Variants in NUBPL observed in about 807,000 individuals in gnomAD.
NUBPL encodes iron-sulfur cluster transfer protein NUBPL.
Under a neutral mutation model 45.7 loss-of-function variants are expected in NUBPL, and 31 were observed. The ratio of observed to expected loss-of-function variants is 0.68; its 90% CI spans 0.51 to 0.92. The LOEUF (loss-of-function observed/expected upper bound fraction) is 0.92, where lower values mean the gene tolerates loss of function less well. Ranked by LOEUF, NUBPL falls within the 40% of genes least tolerant of loss-of-function variation. The pLI is 0.00. For synonymous variants in NUBPL, 144 were observed against 140.9 expected (o/e 1.02, Z -0.15); for missense variants, 401 against 398.7 (o/e 1.01, Z -0.05).
intron 3 of NUBPL, among the ~76,000 whole-genome samples, chr14:31,592,622 A>G (rs1482481120): frequency 6.6e-6 from 1 of 151,880 alleles, no homozygotes; most frequent in Non-Finnish European, 1.5e-5. Flanking sequence ...TTAAAAAAAA[A>G]TCATTTAAAA....
intron 3 of NUBPL, among the ~76,000 whole-genome samples, chr14:31,591,135 A>G (rs1250755372): frequency 6.6e-6 from 1 of 152,138 alleles, no homozygotes; most frequent in African/African-American, 2.4e-5. Context: ...CTTTTTGGTT[A>G]GCTTTTTCAT....
intron 6 of NUBPL, among the ~76,000 whole-genome samples, chr14:31,695,652 T>G (rs975227389): frequency 2.6e-5 from 4 of 152,334 alleles, no homozygotes; most frequent in East Asian, 3.9e-4. Context: ...CTTTCTCTTT[T>G]GCATTGCTTA....
At position 31,819,955 on chromosome 14, in the gene NUBPL, A is replaced by G. The variant is rs191200053; in HGVS notation, c.608-6674A>G. 8.4e-3 allele frequency among the ~76,000 whole-genome samples: 1,275 copies of G among 152,104 alleles called. 18 individuals are homozygous for G. Among genetic ancestry groups the G allele is most frequent in the African/African-American group, 0.029 (1,216 of 41,466 alleles). ...GGAGATCGAGACCATCCTGGCTAAC[A>G]CGGTGAAACCCCATCTCTACTAAAA... On this transcript the variant is annotated intron_variant, in intron 7 of 10. Coordinates refer to ENST00000281081, the MANE Select transcript of NUBPL (RefSeq NM_025152.3).
intron 6 of NUBPL, among the ~76,000 whole-genome samples, chr14:31,771,054 T>C (rs1281699490): frequency 6.6e-6 from 1 of 152,198 alleles, no homozygotes; most frequent in Non-Finnish European, 1.5e-5. Context: ...ATAGGTTATT[T>C]ACTTTGATTT....
At chr14:31,653,258 A>C (rs2036056058) in intron 4 of NUBPL, among the ~76,000 whole-genome samples, 1 of 152,154 alleles carries the variant, frequency 6.6e-6, no homozygotes, top group South Asian at 2.1e-4. Context: ...AGAGCAGAGA[A>C]CTGTTCTGAC....
At chr14:31,690,491 C>A (rs967189385) in intron 6 of NUBPL, among the ~76,000 whole-genome samples, 2 of 152,114 alleles carry the variant, frequency 1.3e-5, no homozygotes, top group Non-Finnish European at 2.9e-5. Flanking sequence ...TCAAACACAA[C>A]ATCTTTAATG....
rs569317905 is a variant in NUBPL at position 31,708,504 on chromosome 14, G to C, written c.513+34930G>C. On this transcript the variant is annotated intron_variant, in intron 6 of 10. Coordinates refer to ENST00000281081, the MANE Select transcript of NUBPL (RefSeq NM_025152.3). ...TAATGTATCCCTCTCTAATAAGGGT[G>C]TGGGACTTTCAGGCATAACAAGAAA... Among the ~76,000 whole-genome samples the C allele has an allele frequency of 3.3e-5, 5 of 152,312 alleles. No homozygotes were observed. The East Asian group carries it at 9.7e-4, about 29-fold the overall frequency.
At chr14:31,786,440 A>G (rs1242962118) in intron 6 of NUBPL, among the ~76,000 whole-genome samples, 1 of 152,118 alleles carries the variant, frequency 6.6e-6, no homozygotes, top group South Asian at 2.1e-4. Context: ...TGATCTTTCA[A>G]TTTCTCAAAG....
At chr14:31,640,895 A>G (rs2035674703) in intron 4 of NUBPL, among the ~76,000 whole-genome samples, 1 of 152,110 alleles carries the variant, frequency 6.6e-6, no homozygotes, top group Non-Finnish European at 1.5e-5. Flanking sequence ...GATTAATGTT[A>G]ACTGTAGTCA....
At chr14:31,729,747 C>CA (rs1015241244) in intron 6 of NUBPL, among the ~76,000 whole-genome samples, 8 of 151,906 alleles carry the variant, frequency 5.3e-5, no homozygotes, top group East Asian at 1.9e-4. Context: ...TTTAAAATGG[C>CA]AAAACTACAG....
At chr14:31,645,652 G>C (rs2035827440) in intron 4 of NUBPL, among the ~76,000 whole-genome samples, 1 of 151,936 alleles carries the variant, frequency 6.6e-6, no homozygotes, top group Non-Finnish European at 1.5e-5. Flanking sequence ...TTTGCAATGT[G>C]GTTAGTATGA....
chr14:31,827,277 G>T (rs1187926827), intron 8 of NUBPL, among the ~76,000 whole-genome samples: 1 of 151,360 alleles, frequency 6.6e-6, no homozygotes, highest in African/African-American at 2.4e-5. Flanking sequence ...TGCTAGGGGT[G>T]TACCGTGACT....
chr14:31,629,147 T>A (rs931686214), intron 4 of NUBPL, among the ~76,000 whole-genome samples: 3 of 152,218 alleles, frequency 2.0e-5, no homozygotes, highest in African/African-American at 7.2e-5. Flanking sequence ...AAAGGGCCAA[T>A]AACCAACCAT....
intron 4 of NUBPL, chr14:31,668,042 C>CAGG (rs2036478535): frequency 6.5e-6 from 1 of 152,682 alleles, no homozygotes; most frequent in Non-Finnish European, 1.5e-5. Flanking sequence ...CAGGGACCCA[C>CAGG]TTGAGGAGGC....
intron 6 of NUBPL, among the ~76,000 whole-genome samples, chr14:31,761,938 A>G (rs981261341): frequency 6.6e-6 from 1 of 152,170 alleles, no homozygotes; most frequent in South Asian, 2.1e-4. Context: ...ATTATTACCT[A>G]TATGAATTTG....
At chr14:31,824,406 T>C (rs1191186348) in intron 7 of NUBPL, among the ~76,000 whole-genome samples, 1 of 152,174 alleles carries the variant, frequency 6.6e-6, no homozygotes, top group Non-Finnish European at 1.5e-5. Context: ...ATTTTTATTA[T>C]AAGATTACTT....
chr14:31,793,152 C>G (rs930362995), intron 7 of NUBPL, among the ~76,000 whole-genome samples: 1 of 152,094 alleles, frequency 6.6e-6, no homozygotes, highest in African/African-American at 2.4e-5. Flanking sequence ...ATTTGAATAT[C>G]CTTGTAATTT....
chr14:31,678,343 C>T (rs993055763), intron 6 of NUBPL, among the ~76,000 whole-genome samples: 12 of 152,194 alleles, frequency 7.9e-5, no homozygotes, highest in Non-Finnish European at 1.8e-4. Context: ...TTTCCCTTTG[C>T]TTTTATCAAG....
rs141690528 is a variant in NUBPL, at chr14:31,782,607, A to G, written c.514-5173A>G. 6.5e-3 allele frequency among the ~76,000 whole-genome samples: 997 copies of G among 152,254 alleles called. 12 individuals are homozygous for G. The highest frequency in any genetic ancestry group is 0.022 in the African/African-American group (929 of 41,536). ...GGAGTTTGAGACCAGCCCGGCCAAC[A>G]TGGTGAAACCCTGTCTCTACTAAAA... On this transcript the variant is annotated intron_variant, in intron 6 of 10. Transcript: ENST00000281081.
Sources: allele counts gnomAD v4.1 joint callset (sites outside exome capture counted in the v4.1 genomes callset), GRCh38; gene constraint gnomAD v4.1.1; transcripts MANE v1.5; gene names NCBI Gene and HGNC (gene_info 2026-07-23, HGNC 2026-07-21).